Variants in MDGA2 observed in about 807,000 individuals in gnomAD.
MDGA2 encodes the protein MAM domain containing glycosylphosphatidylinositol anchor 2.
Under a neutral mutation model 117.8 loss-of-function variants are expected in MDGA2, and 40 were observed. That is an observed-to-expected ratio of 0.34 (90% CI 0.26 to 0.44). MDGA2 has a LOEUF of 0.44. MDGA2 is among the 20% of genes least tolerant of loss of function. The pLI is 1.00. For missense variants in MDGA2, 1,123 were observed against 1,250.6 expected, an observed-to-expected ratio of 0.90 and a Z score of 1.54; for synonymous variants, 452 against 439.0, an observed-to-expected ratio of 1.03 and a Z score of -0.37.
intron 8 of MDGA2, among the ~76,000 whole-genome samples, chr14:47,008,935 C>G (rs1230017551): frequency 6.6e-6 from 1 of 151,916 alleles, no homozygotes; most frequent in Non-Finnish European, 1.5e-5. Context: ...AAATCTTACT[C>G]AGCAAATTAA....
chr14:47,654,855 G>A (rs1897714018), intron 1 of MDGA2, among the ~76,000 whole-genome samples: 2 of 152,106 alleles, frequency 1.3e-5, no homozygotes, highest in African/African-American at 2.4e-5. Context: ...AGTTAGAAGA[G>A]TGTGTATATG....
At position 47,341,438 on chromosome 14, in the gene MDGA2, G is replaced by A. The variant is rs149553855; in HGVS notation, c.281-39888C>T. ...GTGTAAAATGAAAACTATTTAAAGT[G>A]TAAGAAATATCTGCTCTTTGGTACG... On this transcript the variant is annotated intron_variant, in intron 1 of 16. Coordinates refer to ENST00000399232, the MANE Select transcript of MDGA2 (RefSeq NM_001113498.3). Among the ~76,000 whole-genome samples the A allele has an allele frequency of 2.1e-3, 324 of 152,238 alleles. 3 individuals are homozygous for A. The highest frequency in any genetic ancestry group is 7.4e-3 in the African/African-American group (309 of 41,562).
At chr14:47,105,828 T>C (rs1018023303) in intron 5 of MDGA2, among the ~76,000 whole-genome samples, 3 of 151,988 alleles carry the variant, frequency 2.0e-5, no homozygotes, top group East Asian at 1.9e-4. Flanking sequence ...CAGACCCATC[T>C]GACCTCTCCC....
chr14:47,433,392 T>C (rs943390283), intron 1 of MDGA2, among the ~76,000 whole-genome samples: 1 of 152,078 alleles, frequency 6.6e-6, no homozygotes, highest in Admixed American at 6.6e-5. Context: ...AAACTACACT[T>C]TGATTACCAA....
intron 1 of MDGA2, among the ~76,000 whole-genome samples, chr14:47,391,888 T>C (rs567353540): frequency 6.6e-6 from 1 of 152,226 alleles, no homozygotes; most frequent in East Asian, 1.9e-4. Flanking sequence ...AAGCACTAAT[T>C]AAAAGTTATT....
chr14:47,304,210 T>C (rs570383085), intron 1 of MDGA2, among the ~76,000 whole-genome samples: 4 of 152,284 alleles, frequency 2.6e-5, no homozygotes, highest in South Asian at 2.1e-4. Context: ...CAAAGCTCAC[T>C]TGAAAGGACC....
At chr14:47,233,711 T>C (rs1886765746) in intron 2 of MDGA2, among the ~76,000 whole-genome samples, 1 of 152,160 alleles carries the variant, frequency 6.6e-6, no homozygotes, top group South Asian at 2.1e-4. Context: ...TTACAGTTTA[T>C]AAAAGAAACC....
At chr14:46,843,781 A>T (rs1361328673) in intron 16 of MDGA2, among the ~76,000 whole-genome samples, 1 of 152,188 alleles carries the variant, frequency 6.6e-6, no homozygotes, top group Non-Finnish European at 1.5e-5. Context: ...TAAATATAGA[A>T]AATTACCAAA....
chr14:47,073,300 C>T (rs1594591147), intron 6 of MDGA2, among the ~76,000 whole-genome samples: 4 of 152,114 alleles, frequency 2.6e-5, no homozygotes, highest in African/African-American at 9.7e-5. Context: ...CAGTGAAGAG[C>T]AAGTATTCTG....
intron 10 of MDGA2, 97 bp downstream of exon 10, chr14:46,919,915 A>G (rs1475355625): frequency 6.5e-6 from 7 of 1,078,746 alleles, no homozygotes; most frequent in South Asian, 4.0e-5. Flanking sequence ...TACATAAAAT[A>G]TATTTTGGAA....
intron 5 of MDGA2, 33 bp from the exon 6 acceptor site, chr14:47,097,156 T>C (rs1292521218): frequency 4.4e-6 from 7 of 1,596,742 alleles, no homozygotes; most frequent in Non-Finnish European, 6.0e-6. Context: ...CGTGCACCTA[T>C]TTAGATATGC....
chr14:47,399,212 C>A (rs544910740), intron 1 of MDGA2, among the ~76,000 whole-genome samples: 1 of 152,010 alleles, frequency 6.6e-6, no homozygotes, highest in African/African-American at 2.4e-5. Flanking sequence ...AAGAAGGAAG[C>A]ATCCATCTTA....
At chr14:47,184,587 A>G (rs558285598) in intron 3 of MDGA2, among the ~76,000 whole-genome samples, 179 of 152,034 alleles carry the variant, frequency 1.2e-3, no homozygotes, top group African/African-American at 4.2e-3. Flanking sequence ...AAGTTTTGCT[A>G]TTTGATACCA....
intron 1 of MDGA2, among the ~76,000 whole-genome samples, chr14:47,501,231 T>C (rs1894392722): frequency 1.3e-5 from 2 of 152,256 alleles, no homozygotes; most frequent in South Asian, 4.2e-4. Flanking sequence ...AAATTCAAAA[T>C]GCACAACATT....
chr14:46,951,728 G>T (rs376782851), intron 9 of MDGA2, among the ~76,000 whole-genome samples: 2 of 151,874 alleles, frequency 1.3e-5, no homozygotes, highest in Non-Finnish European at 2.9e-5. Context: ...CCAGTTGAGC[G>T]TCTAGATAAG....
intron 1 of MDGA2, among the ~76,000 whole-genome samples, chr14:47,530,543 C>T (rs139790269): frequency 1.1e-3 from 175 of 152,246 alleles, no homozygotes; most frequent in African/African-American, 4.1e-3. Flanking sequence ...ACCTTCTCAC[C>T]TCATAATCAA....
In MDGA2 at chr14:47,322,379, T is replaced by C. The variant is rs1890005787; in HGVS notation, c.281-20829A>G. On this transcript the variant is annotated intron_variant, in intron 1 of 16. Coordinates refer to ENST00000399232, the MANE Select transcript of MDGA2 (RefSeq NM_001113498.3). ...ATCCTCTGACAACAGTCTTGGGAAG[T>C]AATTTTGTGCTATATTTCATTTCGT... Among the ~76,000 whole-genome samples, 5 of 152,346 alleles carry C rather than the reference T, an allele frequency of 3.3e-5. No homozygotes were observed. In the South Asian group the frequency reaches 1.0e-3, roughly 32 times the overall value.
intron 1 of MDGA2, among the ~76,000 whole-genome samples, chr14:47,583,618 T>C (rs570347018): frequency 6.6e-6 from 1 of 151,924 alleles, no homozygotes; most frequent in African/African-American, 2.4e-5. Context: ...AAATGATAAA[T>C]TTTACATTAT....
chr14:47,318,183 T>C (rs1342476781), intron 1 of MDGA2, among the ~76,000 whole-genome samples: 1 of 111,126 alleles, frequency 9.0e-6, no homozygotes, highest in Admixed American at 8.5e-5. Flanking sequence ...AAAATGACCA[T>C]ATTAATCCCT....
Sources: allele counts gnomAD v4.1 joint callset (sites outside exome capture counted in the v4.1 genomes callset), GRCh38; gene constraint gnomAD v4.1.1; transcripts MANE v1.5; gene names NCBI Gene and HGNC (gene_info 2026-07-23, HGNC 2026-07-21).